DOCK1: variants seen among roughly 807,000 people sequenced by gnomAD.
DOCK1 encodes the protein dedicator of cytokinesis protein 1.
Under a neutral mutation model 262.7 loss-of-function variants are expected in DOCK1, and 138 were observed. The ratio of observed to expected loss-of-function variants is 0.53; its 90% CI spans 0.46 to 0.61. The LOEUF is 0.61. DOCK1 is among the 20% of genes least tolerant of loss of function. DOCK1 has a pLI of 0.00. For missense variants in DOCK1, 1,908 were observed against 2,370.7 expected, an observed-to-expected ratio of 0.80 and a Z score of 4.05; for synonymous variants, 866 against 867.4, an observed-to-expected ratio of 1.00 and a Z score of 0.03.
At chr10:127,136,916 C>A (rs2050750937) in intron 27 of DOCK1, 1 of 152,568 alleles carries the variant, frequency 6.6e-6, no homozygotes, top group African/African-American at 2.4e-5. Context: ...AGGATCGATC[C>A]ACAAAAACAC....
intron 27 of DOCK1, among the ~76,000 whole-genome samples, chr10:127,214,525 G>A (rs1352022421): frequency 6.6e-6 from 1 of 152,162 alleles, no homozygotes; most frequent in Non-Finnish European, 1.5e-5. Flanking sequence ...TGGTCCATTC[G>A]TTTTCTTAGC....
intron 10 of DOCK1, among the ~76,000 whole-genome samples, chr10:127,002,819 C>G (rs918916543): frequency 1.1e-4 from 16 of 152,340 alleles, no homozygotes; most frequent in African/African-American, 3.8e-4. Context: ...TTCCTCCTGT[C>G]TGGACTGGTC....
At chr10:126,990,717 A>G (rs2039729827) in intron 6 of DOCK1, 114 bp downstream of exon 6, 1 of 1,269,938 alleles carries the variant, frequency 7.9e-7, no homozygotes, top group African/African-American at 1.5e-5. Flanking sequence ...TTCTACCATC[A>G]AAGTAATGGC....
chr10:127,024,620 G>C, intron 14 of DOCK1, 65 bp from the exon 15 acceptor site: 1 of 1,354,076 alleles, frequency 7.4e-7, no homozygotes, highest in Non-Finnish European at 1.0e-6. Context: ...CATATATAGT[G>C]GGAGATGTAT....
intron 27 of DOCK1, among the ~76,000 whole-genome samples, chr10:127,223,439 G>A (rs1484575684): frequency 6.6e-6 from 1 of 151,824 alleles, no homozygotes; most frequent in Admixed American, 6.6e-5. Context: ...ATTACAGATC[G>A]AGCATCCCTA....
intron 3 of DOCK1, among the ~76,000 whole-genome samples, chr10:126,978,900 G>C (rs2038745395): frequency 6.6e-6 from 1 of 152,124 alleles, no homozygotes; most frequent in Non-Finnish European, 1.5e-5. Context: ...CCCTAACCCA[G>C]GCTTTGCTGA....
At chr10:127,193,798 C>T (rs1460551800) in intron 27 of DOCK1, among the ~76,000 whole-genome samples, 2 of 152,122 alleles carry the variant, frequency 1.3e-5, no homozygotes, top group Non-Finnish European at 2.9e-5. Context: ...ATTCCCTTTC[C>T]TGCCACAGGG....
intron 1 of DOCK1, among the ~76,000 whole-genome samples, chr10:126,960,396 A>C (rs918085251): frequency 2.0e-5 from 3 of 151,678 alleles, no homozygotes; most frequent in South Asian, 2.1e-4. Flanking sequence ...GGCACCTGCT[A>C]TGTGACAGGC....
chr10:127,224,378 A>G (rs1479363339), intron 27 of DOCK1, among the ~76,000 whole-genome samples: 1 of 152,098 alleles, frequency 6.6e-6, no homozygotes, highest in Non-Finnish European at 1.5e-5. Context: ...TTGGCCAAAC[A>G]TGTTGAAACC....
rs773312920 is a variant in DOCK1 at position 127,248,099 on chromosome 10, C to G, written c.2939C>G (p.Thr980Ser). The change falls in exon 28 of 52, where the codon ACT becomes AGT. Residue 980 changes from threonine to serine, a missense_variant. By Grantham distance (58) the Thr-to-Ser change is moderately conservative (BLOSUM62 1). Coordinates refer to ENST00000623213, the MANE Select transcript of DOCK1 (RefSeq NM_001290223.2). ...HLIKTFGKMRTDVVDFLMETF... is the reference protein window; with the variant it reads ...HLIKTFGKMRSDVVDFLMETF... ...ATCAAGACTTTTGGGAAAATGAGGA[C>G]TGATGTGGTAGTAAGTGTCCCTTTC... The G allele has an allele frequency of 3.1e-6, 5 of 1,613,716 alleles. No homozygotes were observed. The East Asian group carries it at 1.1e-4, about 36-fold the overall frequency.
chr10:127,027,357 A>C (rs924083980), intron 16 of DOCK1, among the ~76,000 whole-genome samples: 18 of 152,174 alleles, frequency 1.2e-4, no homozygotes, highest in African/African-American at 4.1e-4. Flanking sequence ...AACTTTGGGA[A>C]GCCAAGGTGG....
chr10:127,142,043 G>GCTAC (rs2051313425), intron 27 of DOCK1, among the ~76,000 whole-genome samples: 2 of 152,220 alleles, frequency 1.3e-5, no homozygotes, highest in African/African-American at 4.8e-5. Context: ...TGAGTGACCA[G>GCTAC]CTACCACAGT....
At chr10:127,222,390 T>A (rs573910244) in intron 27 of DOCK1, among the ~76,000 whole-genome samples, 1 of 152,308 alleles carries the variant, frequency 6.6e-6, no homozygotes, top group South Asian at 2.1e-4. Context: ...CAATATGTTG[T>A]AGGAACTACA....
At chr10:126,965,513 A>G (rs1315438326) in intron 1 of DOCK1, among the ~76,000 whole-genome samples, 2 of 152,102 alleles carry the variant, frequency 1.3e-5, no homozygotes, top group East Asian at 1.9e-4. Context: ...AGGGGTGATG[A>G]AGTCTTGGGC....
intron 27 of DOCK1, among the ~76,000 whole-genome samples, chr10:127,211,867 A>G (rs557452700): frequency 2.6e-4 from 40 of 152,270 alleles, no homozygotes; most frequent in African/African-American, 9.1e-4. Flanking sequence ...GACTCTTGCA[A>G]ATCATTTCCT....
intron 38 of DOCK1, among the ~76,000 whole-genome samples, chr10:127,396,920 A>G (rs1374253978): frequency 1.3e-5 from 2 of 151,942 alleles, no homozygotes; most frequent in Non-Finnish European, 2.9e-5. Flanking sequence ...CATGAGTTAC[A>G]CGGGCAGCGA....
chr10:127,226,277 C>G (rs2058635229), intron 27 of DOCK1, among the ~76,000 whole-genome samples: 1 of 152,080 alleles, frequency 6.6e-6, no homozygotes, highest in East Asian at 1.9e-4. Flanking sequence ...ATTTATACTC[C>G]TTAGCTCTAC....
At position 127,280,009 on chromosome 10, in the gene DOCK1, C is replaced by CATATATAT. The variant is rs10525314; in HGVS notation, c.3044+22598_3044+22605dup. Among the ~76,000 whole-genome samples, 601 of 114,310 alleles carry CATATATAT rather than the reference C, an allele frequency of 5.3e-3. 5 individuals carry two copies. The highest frequency in any genetic ancestry group is 0.021 in the East Asian group (78 of 3,738). 75.0% of individuals were successfully genotyped at this position (114,310 alleles called of 152,430 possible). A position where few individuals can be genotyped will look rare whatever the true frequency, so the allele number is the denominator to read the frequency against. On this transcript the variant is annotated intron_variant, in intron 29 of 51. Coordinates refer to ENST00000623213, the MANE Select transcript of DOCK1 (RefSeq NM_001290223.2). ...TTTTAGTGGTTTTAAAATTTTATTTCATATATATATATATATATATATATA... is the reference window on the plus strand; with the variant it reads ...TTTTAGTGGTTTTAAAATTTTATTTCATATATATATATATATATATATATATATATATA...
intron 29 of DOCK1, among the ~76,000 whole-genome samples, chr10:127,285,093 G>A (rs542211260): frequency 2.6e-5 from 4 of 151,036 alleles, no homozygotes; most frequent in Admixed American, 6.6e-5. Flanking sequence ...AGTCGTGATC[G>A]TGCCACTGCA....
Sources: allele counts gnomAD v4.1 joint callset (sites outside exome capture counted in the v4.1 genomes callset), GRCh38; gene constraint gnomAD v4.1.1; transcripts MANE v1.5; gene names NCBI Gene and HGNC (gene_info 2026-07-23, HGNC 2026-07-21).